NUMB: variants seen among roughly 807,000 people sequenced by gnomAD.
NUMB encodes the protein protein numb homolog.
Under a neutral mutation model 59.7 loss-of-function variants are expected in NUMB, and 29 were observed. The ratio of observed to expected loss-of-function variants is 0.49; its 90% CI spans 0.36 to 0.66. NUMB has a LOEUF of 0.66. Ranked by LOEUF, NUMB falls within the 30% of genes least tolerant of loss-of-function variation. The pLI is 0.00. For synonymous variants in NUMB, 288 were observed against 288.2 expected (o/e 1.00, Z 0.01); for missense variants, 723 against 822.0 (o/e 0.88, Z 1.47).
At chr14:73,291,105 G>A (rs1889362793) in intron 8 of NUMB, among the ~76,000 whole-genome samples, 1 of 151,002 alleles carries the variant, frequency 6.6e-6, no homozygotes. Context: ...TTTTGAGATG[G>A]AGTCTTGCTT....
At chr14:73,278,960 G>A (rs1476120053) in intron 12 of NUMB, among the ~76,000 whole-genome samples, 1 of 151,910 alleles carries the variant, frequency 6.6e-6, no homozygotes, top group Non-Finnish European at 1.5e-5. Context: ...TCCTGACCTC[G>A]TGATCCACCC....
intron 4 of NUMB, among the ~76,000 whole-genome samples, chr14:73,339,053 T>G (rs1268499850): frequency 6.6e-6 from 1 of 152,220 alleles, no homozygotes; most frequent in Non-Finnish European, 1.5e-5. Context: ...TGCAGGTATC[T>G]TACCCACTGC....
At chr14:73,379,709 C>A (rs1895137654) in intron 2 of NUMB, among the ~76,000 whole-genome samples, 1 of 152,114 alleles carries the variant, frequency 6.6e-6, no homozygotes. Context: ...GTGGAAGGAA[C>A]AAGTGTACAG....
intron 4 of NUMB, among the ~76,000 whole-genome samples, chr14:73,349,803 C>A (rs1343455950): frequency 6.6e-6 from 1 of 151,024 alleles, no homozygotes; most frequent in Non-Finnish European, 1.5e-5. Context: ...CGCGTGAACC[C>A]GGGAGGCAGA....
chr14:73,425,403 C>T (rs954947103), intron 1 of NUMB, among the ~76,000 whole-genome samples: 3 of 152,052 alleles, frequency 2.0e-5, no homozygotes, highest in Non-Finnish European at 2.9e-5. Context: ...ATAGGGGTCT[C>T]GCTATGTTGC....
intron 6 of NUMB, among the ~76,000 whole-genome samples, chr14:73,302,547 T>C (rs28716532): frequency 0.56 from 84,114 of 151,396 alleles, 23,980 homozygotes; most frequent in East Asian, 0.73. Flanking sequence ...GCTGGGATTA[T>C]GGGTGCATGG....
At chr14:73,384,082 G>A (rs1158429368) in intron 2 of NUMB, among the ~76,000 whole-genome samples, 1 of 151,652 alleles carries the variant, frequency 6.6e-6, no homozygotes, top group Non-Finnish European at 1.5e-5. Context: ...TATTTAAAAT[G>A]CTGAAAGAAA....
At chr14:73,436,934 G>A (rs1487632804) in intron 1 of NUMB, among the ~76,000 whole-genome samples, 2 of 149,994 alleles carry the variant, frequency 1.3e-5, no homozygotes, top group East Asian at 2.0e-4. Context: ...AACTGAGATC[G>A]TATCACTGCA....
intron 1 of NUMB, among the ~76,000 whole-genome samples, chr14:73,457,356 C>T (rs1003559394): frequency 1.2e-4 from 18 of 152,152 alleles, no homozygotes; most frequent in African/African-American, 3.9e-4. Context: ...AGGAGCTTTG[C>T]TTTGGTCCTA....
intron 2 of NUMB, among the ~76,000 whole-genome samples, chr14:73,393,955 T>C (rs978961515): frequency 3.3e-5 from 5 of 152,240 alleles, no homozygotes; most frequent in African/African-American, 1.2e-4. Context: ...TAAGGTATAG[T>C]TGACAAATAA....
At chr14:73,390,248 T>C (rs1468341220) in intron 2 of NUMB, among the ~76,000 whole-genome samples, 2 of 152,214 alleles carry the variant, frequency 1.3e-5, no homozygotes, top group African/African-American at 2.4e-5. Context: ...AACCACGGCA[T>C]ACAATGTGAC....
intron 6 of NUMB, among the ~76,000 whole-genome samples, chr14:73,305,292 G>A (rs944685700): frequency 1.9e-4 from 29 of 152,026 alleles, no homozygotes; most frequent in Admixed American, 1.7e-3. Flanking sequence ...CATAGTTTGC[G>A]ACATCTGATA....
At position 73,282,390 on chromosome 14, in the gene NUMB, T is replaced by C. The variant is rs923790363; in HGVS notation, c.1065A>G (p.Thr355=). The change falls in exon 11 of 13, where the codon ACA becomes ACG. Residue 355 remains threonine, a synonymous_variant. Coordinates refer to ENST00000555238, the MANE Select transcript of NUMB (RefSeq NM_001005743.2). The part of the protein sequence containing the change: ...FSSAPMTKPV[T]VVAPQSPTFQ... ...AGGTAGGAGATTGTGGTGCCACCAC[T>C]GTCACTGGTTTGGTCATCGGAGCAG... is the stretch of plus-strand genomic sequence containing the variant. 5.6e-6 allele frequency: 9 copies of C among 1,614,204 alleles called. No homozygotes were observed. In the African/African-American group the frequency reaches 1.1e-4, roughly 19 times the overall value.
chr14:73,434,622 C>T (rs1184679391), intron 1 of NUMB, among the ~76,000 whole-genome samples: 1 of 152,044 alleles, frequency 6.6e-6, no homozygotes, highest in Non-Finnish European at 1.5e-5. Flanking sequence ...TCCCAGCACT[C>T]TGGGAGGATG....
intron 3 of NUMB, among the ~76,000 whole-genome samples, chr14:73,357,524 C>T (rs958576211): frequency 1.1e-4 from 16 of 151,552 alleles, no homozygotes; most frequent in African/African-American, 2.7e-4. Flanking sequence ...TTTCGGAGGC[C>T]GAGGCAGGTG....
chr14:73,353,020 T>A (rs1418885648), intron 4 of NUMB, among the ~76,000 whole-genome samples: 2 of 146,284 alleles, frequency 1.4e-5, no homozygotes, highest in Non-Finnish European at 3.0e-5. Context: ...TACCTTACTT[T>A]AAAAAAATAA....
At chr14:73,410,236 G>A (rs1472983892) in intron 1 of NUMB, among the ~76,000 whole-genome samples, 168 bp from the exon 2 acceptor site, 1 of 152,152 alleles carries the variant, frequency 6.6e-6, no homozygotes, top group Non-Finnish European at 1.5e-5. Context: ...CTTGAAACAG[G>A]GCAAAAATAA....
chr14:73,310,766 TA>T (rs1166034283), intron 6 of NUMB, among the ~76,000 whole-genome samples: 1 of 152,146 alleles, frequency 6.6e-6, no homozygotes, highest in Non-Finnish European at 1.5e-5. Flanking sequence ...TCTATATAAA[TA>T]CAAGTAAATG....
intron 4 of NUMB, among the ~76,000 whole-genome samples, chr14:73,352,228 G>A (rs2140006466): frequency 6.6e-6 from 1 of 150,796 alleles, no homozygotes; most frequent in South Asian, 2.1e-4. Flanking sequence ...ACATATACAT[G>A]CTTTCCATAA....
Sources: gnomAD v4.1 joint callset for allele counts (sites outside exome capture counted in the v4.1 genomes callset) on GRCh38, gnomAD v4.1.1 for gene constraint, MANE v1.5 for transcripts, NCBI Gene and HGNC (gene_info 2026-07-23, HGNC 2026-07-21) for gene names.